The following TSPAN3 variants were observed in gnomAD, a reference collection of about 807,000 sequenced individuals.
TSPAN3 encodes tetraspanin-3.
A neutral mutation model predicts 31.1 loss-of-function variants in TSPAN3; 9 were observed. The ratio of observed to expected loss-of-function variants is 0.29; its 90% CI spans 0.17 to 0.50. The LOEUF (loss-of-function observed/expected upper bound fraction) is 0.50. Among genes scored for constraint, TSPAN3 ranks in the 20% least tolerant of loss-of-function variants. The pLI is 0.98. For missense variants in TSPAN3, 252 were observed against 313.5 expected (o/e 0.80, Z 1.48); for synonymous variants, 129 against 114.3 (o/e 1.13, Z -0.82).
At chr15:77,055,691 A>T in intron 3 of TSPAN3, 98 bp downstream of exon 3, 1 of 975,838 alleles carries the variant, frequency 1.0e-6, no homozygotes, top group Non-Finnish European at 1.5e-6. Flanking sequence ...GTAAGGCAAA[A>T]GAAAATGTTT....
intron 6 of TSPAN3, among the ~76,000 whole-genome samples, chr15:77,049,454 C>T (rs1310550176): frequency 6.6e-6 from 1 of 152,148 alleles, no homozygotes; most frequent in Non-Finnish European, 1.5e-5. Flanking sequence ...TTACTCACAG[C>T]AGATACTCAG....
chr15:77,064,949 T>C (rs559155332), intron 1 of TSPAN3: 1 of 152,280 alleles, frequency 6.6e-6, no homozygotes, highest in Non-Finnish European at 1.5e-5. Flanking sequence ...ACAAGATTTG[T>C]GACAAGGGAG....
At chr15:77,049,114 C>T (rs2076712154) in intron 6 of TSPAN3, among the ~76,000 whole-genome samples, 1 of 152,098 alleles carries the variant, frequency 6.6e-6, no homozygotes, top group South Asian at 2.1e-4. Flanking sequence ...CCAAAATACA[C>T]TAATTTGTTT....
rs1235395296 is a variant in TSPAN3 at position 77,046,310 on chromosome 15, T to C, written c.*525A>G. ...AACCAAGATATACGCCATATGATCCTACAATCTATTTTAGTCATTTTGTAC... is the reference window on the plus strand; with the variant it reads ...AACCAAGATATACGCCATATGATCCCACAATCTATTTTAGTCATTTTGTAC... On this transcript the variant is annotated 3_prime_UTR_variant, in exon 7 of 7. Coordinates refer to ENST00000267970, the MANE Select transcript of TSPAN3 (RefSeq NM_005724.6). The C allele has an allele frequency of 1.3e-5, 5 of 399,748 alleles. No homozygotes were observed. Among genetic ancestry groups the C allele is most frequent in the African/African-American group, 6.2e-5 (3 of 48,632 alleles). The allele number at this position is 399,748 out of a possible 1,614,324, so 24.8% of individuals were successfully genotyped here.
Position 77,052,948 on chromosome 15 carries a change from A to C in TSPAN3, c.433-19T>G. 1 of 1,605,814 alleles carries C rather than the reference A, an allele frequency of 6.2e-7. No individual in the cohort carries two copies. Among genetic ancestry groups the C allele is most frequent in the Non-Finnish European group, 8.5e-7 (1 of 1,174,730 alleles). On this transcript the variant is annotated intron_variant, in intron 4 of 6. Coordinates refer to ENST00000267970, the MANE Select transcript of TSPAN3 (RefSeq NM_005724.6). ...AATGCAGCTAAAGGAGAAGAGAATA[A>C]GTATTATTTCTCACAAAAACCAAAT...
chr15:77,070,913 G>C lies in TSPAN3; in HGVS notation c.42C>G (p.Val14=). 2 of 1,432,488 alleles carry C rather than the reference G, an allele frequency of 1.4e-6. No individual in the cohort carries two copies. Among genetic ancestry groups the C allele is most frequent in the Non-Finnish European group, 1.8e-6 (2 of 1,083,484 alleles). 88.7% of individuals were successfully genotyped at this position (1,432,488 alleles called of 1,614,324 possible). The change falls in exon 1 of 7, where the codon GTC becomes GTG. Residue 14 remains valine, a synonymous_variant. Transcript: ENST00000267970. ...TCACCCAGAAGATGAGGTTGAGAAA[G>C]ACCAGCACGGTCTTGGAGGAGGTGA... ...CGITSSKTVL[V]FLNLIFWGAA...
intron 6 of TSPAN3, among the ~76,000 whole-genome samples, chr15:77,047,735 T>C (rs919744997): frequency 2.0e-5 from 3 of 152,236 alleles, no homozygotes; most frequent in Non-Finnish European, 2.9e-5. Context: ...AAAATGATTC[T>C]AGAATTTTTG....
chr15:77,055,729 T>G (rs1185573386), intron 3 of TSPAN3, 60 bp downstream of exon 3: 1 of 1,318,900 alleles, frequency 7.6e-7, no homozygotes, highest in Non-Finnish European at 1.1e-6. Flanking sequence ...GTGTTCTATT[T>G]TACTTGAAAC....
chr15:77,069,881 G>C (rs1043394667), intron 1 of TSPAN3: 2 of 152,264 alleles, frequency 1.3e-5, no homozygotes, highest in Non-Finnish European at 2.9e-5. Flanking sequence ...TTAAGGAAAT[G>C]ACAAGTTCAG....
chr15:77,057,107 T>A (rs1212238490), intron 1 of TSPAN3, among the ~76,000 whole-genome samples: 1 of 152,224 alleles, frequency 6.6e-6, no homozygotes. Context: ...GGCATCATTC[T>A]CCAGCTGCAG....
chr15:77,070,768 G>T, intron 1 of TSPAN3, 124 bp downstream of exon 1: 2 of 371,430 alleles, frequency 5.4e-6, no homozygotes, highest in Non-Finnish European at 7.4e-6. Context: ...CGCCTCAGCC[G>T]CCTGAGGGCC....
rs1385270816 is a variant in TSPAN3 at position 77,046,918 on chromosome 15, T to C, written c.679A>G (p.Met227Val). The C allele has an allele frequency of 1.9e-6, 3 of 1,579,804 alleles. No homozygotes were observed. Among genetic ancestry groups the C allele is most frequent in the Non-Finnish European group, 2.6e-6 (3 of 1,159,820 alleles). The change falls in exon 7 of 7, where the codon ATG (methionine) becomes GTG (valine). Residue 227 changes from methionine to valine, a missense_variant. Transcript: ENST00000267970. ...CACAACACGATGCAAGCACACAGCA[T>C]GCCCAGCAGCTGTTGAAAGAAAACA... ...LAFAAIQLLG[M>V]LCACIVLCRR...
intron 1 of TSPAN3, chr15:77,067,896 A>AC (rs1426350390): frequency 6.6e-6 from 1 of 152,100 alleles, no homozygotes; most frequent in East Asian, 1.9e-4. Context: ...TCCTAACATC[A>AC]CAGTCTCTAG....
In TSPAN3 at chr15:77,044,837, T is replaced by C. The variant is rs1054974899; in HGVS notation, c.*1998A>G. 5.9e-5 allele frequency: 9 copies of C among 152,162 alleles called. No homozygotes were observed. The highest frequency in any genetic ancestry group is 1.9e-4 in the African/African-American group (8 of 41,398). The allele number at this position is 152,162 out of a possible 1,614,324, so 9.4% of individuals were successfully genotyped here. On this transcript the variant is annotated 3_prime_UTR_variant, in exon 7 of 7. Coordinates refer to ENST00000267970, the MANE Select transcript of TSPAN3 (RefSeq NM_005724.6). ...CAGGGTACCCACAGGATGGTTCATA[T>C]TGAAAACTGGGGGGACCATGCTCGG...
chr15:77,051,939 A>C (rs908969980), intron 6 of TSPAN3, among the ~76,000 whole-genome samples: 1 of 152,234 alleles, frequency 6.6e-6, no homozygotes, highest in African/African-American at 2.4e-5. Context: ...AATATATAAA[A>C]CCTGTGAGGA....
intron 1 of TSPAN3, chr15:77,063,491 G>C (rs2076812513): frequency 6.6e-6 from 1 of 151,954 alleles, no homozygotes; most frequent in East Asian, 1.9e-4. Flanking sequence ...AGGATTACAG[G>C]CATGTGCCAC....
In TSPAN3 at chr15:77,046,925, C is replaced by A; in HGVS notation, c.672G>T (p.Leu224=). The change falls in exon 7 of 7, where the codon CTG becomes CTT. Residue 224 remains leucine (L), a splice_region_variant and synonymous_variant. Transcript: ENST00000267970. ...CGATGCAAGCACACAGCATGCCCAG[C>A]AGCTGTTGAAAGAAAACAACAATGG... is the stretch of plus-strand genomic sequence containing the variant. The part of the protein sequence containing the change: ...WAALAFAAIQ[L]LGMLCACIVL... The A allele has an allele frequency of 6.4e-7, 1 of 1,574,552 alleles. No homozygotes were observed.
intron 1 of TSPAN3, 41 bp downstream of exon 1, chr15:77,070,851 G>GGCCCCGCCGCCGGCCCCTCGCTCT (rs1199186576): frequency 1.6e-6 from 2 of 1,232,328 alleles, no homozygotes; most frequent in South Asian, 4.8e-5. Context: ...GGCCTCGCCC[G>GGCCCCGCCGCCGGCCCCTCGCTCT]GCCCCGCCGC....
At chr15:77,060,914 T>A (rs535531526) in intron 1 of TSPAN3, among the ~76,000 whole-genome samples, 2 of 152,302 alleles carry the variant, frequency 1.3e-5, no homozygotes, top group South Asian at 2.1e-4. Flanking sequence ...GAATAATTTT[T>A]AAAAAACCAT....
Sources: allele counts gnomAD v4.1 joint callset (sites outside exome capture counted in the v4.1 genomes callset), GRCh38; gene constraint gnomAD v4.1.1; transcripts MANE v1.5; gene names NCBI Gene and HGNC (gene_info 2026-07-23, HGNC 2026-07-21).